Variants in MALRD1 observed in about 807,000 individuals in gnomAD.
MALRD1 encodes the protein MAM and LDL-receptor class A domain-containing protein 1.
Under a neutral mutation model 242.1 loss-of-function variants are expected in MALRD1, and 247 were observed. The observed-to-expected ratio is 1.02, with a 90% CI of 0.92 to 1.13. MALRD1 has a LOEUF of 1.13. Among genes scored for constraint, MALRD1 ranks in the 50% most tolerant of loss-of-function variants. The pLI is 0.00. For missense variants in MALRD1, 2,989 were observed against 2,533.1 expected (o/e 1.18, Z -3.86); for synonymous variants, 995 against 866.6 (o/e 1.15, Z -2.60).
At chr10:19,187,807 A>C (rs1258976836) in intron 14 of MALRD1, among the ~76,000 whole-genome samples, 1 of 152,320 alleles carries the variant, frequency 6.6e-6, no homozygotes, top group East Asian at 1.9e-4. Context: ...AATGGACTAC[A>C]GGAGGGTGGA....
intron 33 of MALRD1, among the ~76,000 whole-genome samples, chr10:19,572,272 C>A (rs139498940): frequency 6.6e-6 from 1 of 152,242 alleles, no homozygotes; most frequent in Non-Finnish European, 1.5e-5. Flanking sequence ...CATCTGTTTT[C>A]CTTAGCCATG....
intron 19 of MALRD1, among the ~76,000 whole-genome samples, chr10:19,272,016 A>C (rs557733811): frequency 1.3e-5 from 2 of 152,164 alleles, no homozygotes; most frequent in African/African-American, 4.8e-5. Context: ...TATACATTTC[A>C]TAATAAAATG....
chr10:19,065,467 T>C (rs1834949903), intron 1 of MALRD1, among the ~76,000 whole-genome samples: 1 of 152,000 alleles, frequency 6.6e-6, no homozygotes, highest in Admixed American at 6.6e-5. Context: ...CTAGGAATTG[T>C]TTTTGTAGCT....
intron 17 of MALRD1, among the ~76,000 whole-genome samples, chr10:19,207,368 G>T (rs1214499612): frequency 6.6e-6 from 1 of 152,114 alleles, no homozygotes; most frequent in African/African-American, 2.4e-5. Context: ...TTCAATTATT[G>T]ACTATGGTAG....
At chr10:19,334,119 G>GTTTTTTTTTTTTTT (rs56931838) in intron 24 of MALRD1, among the ~76,000 whole-genome samples, 2 of 66,788 alleles carry the variant, frequency 3.0e-5, no homozygotes, top group Non-Finnish European at 5.4e-5. Flanking sequence ...CTGTTGGTAG[G>GTTTTTTTTTTTTTT]TTTTTTTTTT....
intron 4 of MALRD1, among the ~76,000 whole-genome samples, chr10:19,099,759 A>ATTTT (rs147863650): frequency 1.7e-4 from 16 of 96,756 alleles, no homozygotes; most frequent in East Asian, 8.3e-4. Flanking sequence ...CTATATATAT[A>ATTTT]TATATTTTTT....
At chr10:19,185,055 C>T (rs1756530412) in intron 14 of MALRD1, among the ~76,000 whole-genome samples, 1 of 152,160 alleles carries the variant, frequency 6.6e-6, no homozygotes, top group Admixed American at 6.5e-5. Flanking sequence ...TTCCTCAAGA[C>T]TAAAATAAAT....
At chr10:19,370,508 T>A (rs192954138) in intron 26 of MALRD1, among the ~76,000 whole-genome samples, 1 of 152,210 alleles carries the variant, frequency 6.6e-6, no homozygotes, top group Admixed American at 6.6e-5. Context: ...TTTTGCTGTA[T>A]TAAAAGTACA....
intron 13 of MALRD1, among the ~76,000 whole-genome samples, chr10:19,168,838 G>C (rs963728452): frequency 6.6e-6 from 1 of 151,968 alleles, no homozygotes; most frequent in Non-Finnish European, 1.5e-5. Flanking sequence ...GAGTTCTTTC[G>C]AGGCCTCGGT....
In MALRD1 at chr10:19,623,029, G is replaced by A. The variant is rs369324538; in HGVS notation, c.6137+7106G>A. Among the ~76,000 whole-genome samples, 9 of 152,058 alleles carry A rather than the reference G, an allele frequency of 5.9e-5. No individual in the cohort carries two copies. In the East Asian group the frequency reaches 1.4e-3, roughly 23 times the overall value. On this transcript the variant is annotated intron_variant, in intron 36 of 39. Transcript: ENST00000454679. ...ATAATCTTCACTTAAATCAGAGTTC[G>A]AAGTGAAACCATACACACTATAGAA... is the stretch of plus-strand genomic sequence containing the variant.
chr10:19,573,687 T>C (rs1388389372), intron 33 of MALRD1, among the ~76,000 whole-genome samples: 1 of 152,196 alleles, frequency 6.6e-6, no homozygotes, highest in Non-Finnish European at 1.5e-5. Flanking sequence ...ATGCCTTTCC[T>C]AAGAGTTGCA....
At chr10:19,060,067 C>A (rs1320419407) in intron 1 of MALRD1, among the ~76,000 whole-genome samples, 1 of 152,160 alleles carries the variant, frequency 6.6e-6, no homozygotes, top group East Asian at 1.9e-4. Flanking sequence ...CAGAGTCTGG[C>A]ACTTTTTCTT....
chr10:19,289,337 A>G (rs1425819748), intron 21 of MALRD1, among the ~76,000 whole-genome samples: 3 of 152,202 alleles, frequency 2.0e-5, no homozygotes, highest in Non-Finnish European at 4.4e-5. Context: ...AGGAGCTGTG[A>G]TTTCCCAATG....
chr10:19,352,635 T>C (rs967593851), intron 26 of MALRD1, among the ~76,000 whole-genome samples: 1 of 152,136 alleles, frequency 6.6e-6, no homozygotes, highest in African/African-American at 2.4e-5. Context: ...CAATAAAACA[T>C]AGGTAAATTG....
chr10:19,698,031 G>C (rs879737850), intron 38 of MALRD1, among the ~76,000 whole-genome samples: 2 of 152,122 alleles, frequency 1.3e-5, no homozygotes, highest in Non-Finnish European at 2.9e-5. Flanking sequence ...CTTCAAGTCA[G>C]ATCTCTCTGT....
At chr10:19,358,791 T>A (rs1844761016) in intron 26 of MALRD1, among the ~76,000 whole-genome samples, 1 of 152,200 alleles carries the variant, frequency 6.6e-6, no homozygotes, top group Non-Finnish European at 1.5e-5. Context: ...ACTATGAAAT[T>A]AAACTGTACA....
intron 21 of MALRD1, among the ~76,000 whole-genome samples, chr10:19,305,633 G>A (rs772268029): frequency 2.0e-5 from 3 of 150,278 alleles, no homozygotes; most frequent in Admixed American, 6.7e-5. Flanking sequence ...TCATTTCATT[G>A]TTTCTGTATT....
intron 31 of MALRD1, among the ~76,000 whole-genome samples, chr10:19,528,974 C>T (rs567029713): frequency 4.6e-5 from 7 of 152,082 alleles, no homozygotes; most frequent in African/African-American, 1.2e-4. Flanking sequence ...TCACTGAAAC[C>T]GACAGATTGC....
At chr10:19,288,146 A>C (rs1841224690) in intron 21 of MALRD1, among the ~76,000 whole-genome samples, 1 of 151,600 alleles carries the variant, frequency 6.6e-6, no homozygotes, top group African/African-American at 2.4e-5. Context: ...GCTCAATCTC[A>C]GCTCACTGAA....
Sources: allele counts gnomAD v4.1 joint callset (sites outside exome capture counted in the v4.1 genomes callset), GRCh38; gene constraint gnomAD v4.1.1; transcripts MANE v1.5; gene names NCBI Gene and HGNC (gene_info 2026-07-23, HGNC 2026-07-21).